MARCHF3: variants seen among roughly 807,000 people sequenced by gnomAD.
The protein encoded by MARCHF3 is membrane associated ring-CH-type finger 3, also known as E3 ubiquitin-protein ligase MARCHF3.
In MARCHF3, 13 loss-of-function variants were observed where a neutral mutation model predicts 24.2. That is an observed-to-expected ratio of 0.54 (90% confidence interval 0.35 to 0.85). The LOEUF (loss-of-function observed/expected upper bound fraction) is 0.85, where lower values mean the gene tolerates loss of function less well. MARCHF3 is among the 40% of genes least tolerant of loss of function. The pLI is 0.01. For synonymous variants in MARCHF3, 144 were observed against 137.3 expected, an observed-to-expected ratio of 1.05 and a Z score of -0.34; for missense variants, 276 against 325.0, an observed-to-expected ratio of 0.85 and a Z score of 1.16.
Position 126,878,357 on chromosome 5 carries a change from G to A in MARCHF3, c.431C>T (p.Thr144Ile), listed in dbSNP as rs745809919. 1.9e-6 allele frequency: 3 copies of A among 1,614,096 alleles called. No individual in the cohort carries two copies. The highest frequency in any genetic ancestry group is 2.5e-6 in the Non-Finnish European group (3 of 1,179,964). Residue 144 changes from threonine (T) to isoleucine (I), a missense_variant, in exon 4 of 5, where the codon ACT (threonine) becomes ATT (isoleucine). Physicochemically the swap from Thr to Ile is moderately conservative, Grantham distance 89. Transcript: ENST00000308660. ...RNPGPQHEKR[T>I]LFGDMVCFLF... ...GAAGCACACCATGTCGCCAAACAGA[G>A]TCCGCTTCTCATGCTGGGGGCCAGG...
intron 1 of MARCHF3, among the ~76,000 whole-genome samples, chr5:126,999,248 T>C (rs1580720780): frequency 6.6e-6 from 1 of 152,150 alleles, no homozygotes; most frequent in South Asian, 2.1e-4. Context: ...AATGTGTCCA[T>C]TTTCTTCCTT....
At chr5:126,972,454 G>A (rs1489396107) in intron 1 of MARCHF3, among the ~76,000 whole-genome samples, 7 of 152,138 alleles carry the variant, frequency 4.6e-5, no homozygotes, top group Middle Eastern at 3.2e-3. Context: ...TGTGTTACAA[G>A]TCATGTGCTT....
At chr5:126,960,684 A>G (rs1486915530) in intron 1 of MARCHF3, among the ~76,000 whole-genome samples, 2 of 152,132 alleles carry the variant, frequency 1.3e-5, no homozygotes, top group Non-Finnish European at 2.9e-5. Flanking sequence ...AATACTTTAG[A>G]AAAACAGTAT....
rs11270456 is a variant in MARCHF3, at chr5:127,008,880, AATTTATTTATTTATTT to A, written c.-57+21454_-57+21469del. ...TTCAGGAGACGTTATCTCTTTAAAA[AATTTATTTATTTATTT>A]ATTTATTTATTTATTTATTTATTTA... On this transcript the variant is annotated intron_variant, in intron 1 of 4. Coordinates refer to ENST00000308660, the MANE Select transcript of MARCHF3 (RefSeq NM_178450.5). Among the ~76,000 whole-genome samples, 801 of 147,932 alleles carry A rather than the reference AATTTATTTATTTATTT, an allele frequency of 5.4e-3. 5 individuals carry two copies. The highest frequency in any genetic ancestry group is 0.035 in the Middle Eastern group (10 of 284).
chr5:126,983,529 G>A (rs1292268707), intron 1 of MARCHF3, among the ~76,000 whole-genome samples: 1 of 152,168 alleles, frequency 6.6e-6, no homozygotes, highest in African/African-American at 2.4e-5. Flanking sequence ...TATCAGCAAA[G>A]GCTCTCGGAA....
chr5:126,889,915 T>C (rs1429362476), intron 3 of MARCHF3, among the ~76,000 whole-genome samples: 1 of 152,218 alleles, frequency 6.6e-6, no homozygotes, highest in Non-Finnish European at 1.5e-5. Flanking sequence ...CACTCCCTGT[T>C]CACATTGTCT....
chr5:126,979,220 A>C (rs1267565686), intron 1 of MARCHF3, among the ~76,000 whole-genome samples: 2 of 152,164 alleles, frequency 1.3e-5, no homozygotes, highest in African/African-American at 4.8e-5. Flanking sequence ...TTACTTCCTC[A>C]ACCAGACTGC....
intron 3 of MARCHF3, among the ~76,000 whole-genome samples, chr5:126,891,989 T>A (rs1390715383): frequency 9.9e-5 from 15 of 151,566 alleles, no homozygotes; most frequent in South Asian, 4.2e-4. Flanking sequence ...TAGTTCTCCT[T>A]GAAGAGGTCC....
At chr5:126,886,855 A>G (rs1385552216) in intron 3 of MARCHF3, among the ~76,000 whole-genome samples, 2 of 152,140 alleles carry the variant, frequency 1.3e-5, no homozygotes, top group South Asian at 2.1e-4. Flanking sequence ...AAACAACCTC[A>G]GTCTCATCCT....
chr5:126,926,037 A>T (rs912340513), intron 1 of MARCHF3, among the ~76,000 whole-genome samples: 1 of 151,996 alleles, frequency 6.6e-6, no homozygotes, highest in Non-Finnish European at 1.5e-5. Flanking sequence ...GCTCACACAC[A>T]TTTTTTTTAA....
chr5:126,896,890 G>T (rs1299630922), intron 3 of MARCHF3, among the ~76,000 whole-genome samples: 1 of 152,042 alleles, frequency 6.6e-6, no homozygotes, highest in Non-Finnish European at 1.5e-5. Flanking sequence ...TTGGACAATG[G>T]ATGTGTGTCT....
At chr5:126,942,085 T>G (rs1021980844) in intron 1 of MARCHF3, among the ~76,000 whole-genome samples, 2 of 152,306 alleles carry the variant, frequency 1.3e-5, no homozygotes, top group East Asian at 3.9e-4. Context: ...AGCTATTTAA[T>G]CACATTGTAA....
intron 1 of MARCHF3, among the ~76,000 whole-genome samples, chr5:127,027,210 C>A (rs1430264626): frequency 6.6e-6 from 1 of 152,136 alleles, no homozygotes; most frequent in Non-Finnish European, 1.5e-5. Flanking sequence ...ATGAGAAAAT[C>A]TATTTACCCA....
At chr5:127,016,310 T>A (rs376540562) in intron 1 of MARCHF3, among the ~76,000 whole-genome samples, 1 of 152,170 alleles carries the variant, frequency 6.6e-6, no homozygotes, top group African/African-American at 2.4e-5. Context: ...ATTTTTTAAA[T>A]GAATTTGTAC....
intron 1 of MARCHF3, among the ~76,000 whole-genome samples, chr5:126,960,257 A>G (rs1580683353): frequency 6.6e-6 from 1 of 152,102 alleles, no homozygotes; most frequent in Non-Finnish European, 1.5e-5. Flanking sequence ...TTGTTCATCA[A>G]ATTGTTTACG....
chr5:127,007,340 T>C lies in MARCHF3; in HGVS notation c.-57+23010A>G, dbSNP rs1279763391. Among the ~76,000 whole-genome samples, 4 of 149,524 alleles carry C rather than the reference T, an allele frequency of 2.7e-5. No individual in the cohort carries two copies. The East Asian group carries it at 7.7e-4, about 29-fold the overall frequency. On this transcript the variant is annotated intron_variant, in intron 1 of 4. Coordinates refer to ENST00000308660, the MANE Select transcript of MARCHF3 (RefSeq NM_178450.5). ...ATACATGGATTTTTTTTAACTTGCA[T>C]ACAAGTAAAAAAAAAAAAACCTTAA...
intron 4 of MARCHF3, among the ~76,000 whole-genome samples, chr5:126,875,645 G>C (rs893678428): frequency 6.6e-6 from 1 of 152,202 alleles, no homozygotes; most frequent in Admixed American, 6.5e-5. Context: ...CTATTGCTGA[G>C]CTGACTCCAC....
intron 1 of MARCHF3, among the ~76,000 whole-genome samples, chr5:127,015,368 T>C (rs1162322271): frequency 6.6e-6 from 1 of 152,088 alleles, no homozygotes; most frequent in Non-Finnish European, 1.5e-5. Flanking sequence ...CGAGGGAAGA[T>C]GAGCAGGGAG....
chr5:126,940,143 C>T lies in MARCHF3; in HGVS notation c.-56-21916G>A, dbSNP rs138742550. ...TCATTGCCTTGTTTGACCTCAGCTG[C>T]ATGTAGGGTGACTCGAATTTTTCAC... On this transcript the variant is annotated intron_variant, in intron 1 of 4. Coordinates refer to ENST00000308660, the MANE Select transcript of MARCHF3 (RefSeq NM_178450.5). Among the ~76,000 whole-genome samples, 465 of 152,256 alleles carry T rather than the reference C, an allele frequency of 3.1e-3. 1 individual carries two copies. Among genetic ancestry groups the T allele is most frequent in the African/African-American group, 0.011 (449 of 41,556 alleles).
Sources: allele counts gnomAD v4.1 joint callset (sites outside exome capture counted in the v4.1 genomes callset), GRCh38; gene constraint gnomAD v4.1.1; transcripts MANE v1.5; gene names NCBI Gene and HGNC (gene_info 2026-07-23, HGNC 2026-07-21).